The following ANKHD1 variants were observed in gnomAD, a reference collection of about 807,000 sequenced individuals.
The protein encoded by ANKHD1 is ankyrin repeat and KH domain containing 1.
In ANKHD1, 31 loss-of-function variants were observed where a neutral mutation model predicts 230.5. The observed-to-expected ratio is 0.13, with a 90% CI of 0.10 to 0.18. The LOEUF is 0.18. ANKHD1 is among the 10% of genes least tolerant of loss of function. The probability of loss-of-function intolerance (pLI) is 1.00; values close to 1 mark genes in which losing one functional copy is unlikely to be tolerated. For missense variants in ANKHD1, 2,256 were observed against 3,071.3 expected, an observed-to-expected ratio of 0.73 and a Z score of 6.27; for synonymous variants, 1,074 against 1,117.6, an observed-to-expected ratio of 0.96 and a Z score of 0.78.
At chr5:140,448,488 T>A (rs79795668) in intron 6 of ANKHD1, among the ~76,000 whole-genome samples, 4,042 of 152,232 alleles carry the variant, frequency 0.027, 195 homozygotes, top group African/African-American at 0.093. Context: ...TTCAACCAAT[T>A]TATACTCCCA....
intron 1 of ANKHD1, among the ~76,000 whole-genome samples, chr5:140,414,429 T>G (rs991587367): frequency 6.6e-6 from 1 of 152,218 alleles, no homozygotes; most frequent in African/African-American, 2.4e-5. Flanking sequence ...GGTTTTGATT[T>G]GTTATTTCCC....
Position 140,436,134 on chromosome 5 carries a change from C to G in ANKHD1, c.337C>G (p.Leu113Val). Residue 113 changes from leucine (L) to valine (V), a missense_variant, in exon 2 of 34, where the codon CTG becomes GTG. Around this residue, in one of 13 missense-constraint regions of ANKHD1, gnomAD observed 193 missense variants for 185.8 expected, o/e 1.04. Coordinates refer to ENST00000360839, the MANE Select transcript of ANKHD1 (RefSeq NM_017747.3). Reference protein sequence around the residue: ...VESFILDQEDLDNPVLKTTSE... With the variant: ...VESFILDQEDVDNPVLKTTSE... ...ATCATTTATTTTGGACCAAGAAGAT[C>G]TGGATAACCCAGTGCTTAAAACAAC... is the stretch of plus-strand genomic sequence containing the variant. 2 of 1,580,652 alleles carry G rather than the reference C, an allele frequency of 1.3e-6. No individual in the cohort carries two copies. Among genetic ancestry groups the G allele is most frequent in the South Asian group, 2.4e-5 (2 of 84,920 alleles).
At chr5:140,458,997 C>CATATATATATATATATATATAT (rs529452262) in intron 8 of ANKHD1, 135 bp downstream of exon 8, 1 of 31,634 alleles carries the variant, frequency 3.2e-5, no homozygotes, top group African/African-American at 1.1e-4. Context: ...TATATATATG[C>CATATATATATATATATATATAT]ATATATATAT....
At chr5:140,523,631 G>A (rs1049496513) in intron 24 of ANKHD1, among the ~76,000 whole-genome samples, 2 of 151,366 alleles carry the variant, frequency 1.3e-5, no homozygotes, top group Admixed American at 6.6e-5. Context: ...CATGATCTCG[G>A]CTCATTGCAA....
At position 140,459,267 on chromosome 5, in the gene ANKHD1, G is replaced by A; in HGVS notation, c.1584G>A (p.Gly528=). ...SEVADFLIKA[G]ADIELGCSTP... is the part of the protein sequence containing the mutation. ...TTGCAGACTTTCTTATTAAGGCAGGGGCTGATATAGAACTTGGCTGCTCCA... is the reference window on the plus strand; with the variant it reads ...TTGCAGACTTTCTTATTAAGGCAGGAGCTGATATAGAACTTGGCTGCTCCA... The change falls in exon 9 of 34, where the codon GGG becomes GGA. Residue 528 remains glycine (G), a synonymous_variant. Transcript: ENST00000360839. 6.2e-7 allele frequency: 1 copy of A among 1,603,624 alleles called. No individual in the cohort carries two copies. The highest frequency in any genetic ancestry group is 8.5e-7 in the Non-Finnish European group (1 of 1,172,726).
rs770093173 is a variant in ANKHD1, at chr5:140,443,486, C to T, written c.914-2256C>T. Among the ~76,000 whole-genome samples the T allele has an allele frequency of 5.3e-5, 8 of 151,534 alleles. No homozygotes were observed. In the East Asian group the frequency reaches 7.9e-4, roughly 15 times the overall value. Reference sequence around the variant, plus strand: ...TGGGAGGATCACGAGGTCAGGAGATCGAGACTATCCTGGCTAACACGGTGA... The same window carrying T: ...TGGGAGGATCACGAGGTCAGGAGATTGAGACTATCCTGGCTAACACGGTGA... On this transcript the variant is annotated intron_variant, in intron 5 of 33. Coordinates refer to ENST00000360839, the MANE Select transcript of ANKHD1 (RefSeq NM_017747.3).
chr5:140,458,521 T>C (rs1173700417), intron 7 of ANKHD1, 104 bp from the exon 8 acceptor site: 1 of 1,245,608 alleles, frequency 8.0e-7, no homozygotes, highest in Non-Finnish European at 1.1e-6. Flanking sequence ...TAATCTTGTC[T>C]TTTTTCTTCC....
intron 7 of ANKHD1, among the ~76,000 whole-genome samples, chr5:140,455,302 C>T (rs781139366): frequency 6.6e-6 from 1 of 152,142 alleles, no homozygotes; most frequent in African/African-American, 2.4e-5. Flanking sequence ...GGAGTTGGTA[C>T]CATCCCTTTT....
At chr5:140,499,863 TTTTC>T (rs1472349496) in intron 15 of ANKHD1, among the ~76,000 whole-genome samples, 1 of 150,806 alleles carries the variant, frequency 6.6e-6, no homozygotes, top group Non-Finnish European at 1.5e-5. Context: ...CTTAGTAAAA[TTTTC>T]TTTCTTTTTT....
At chr5:140,403,130 C>A (rs188854890) in intron 1 of ANKHD1, among the ~76,000 whole-genome samples, 2 of 151,512 alleles carry the variant, frequency 1.3e-5, no homozygotes, top group African/African-American at 4.9e-5. Flanking sequence ...CCACCACGCC[C>A]GACTAATTTT....
chr5:140,447,505 G>A (rs1425507314), intron 6 of ANKHD1, among the ~76,000 whole-genome samples: 1 of 152,100 alleles, frequency 6.6e-6, no homozygotes, highest in African/African-American at 2.4e-5. Flanking sequence ...ACCATGCCTG[G>A]CCTCAATAAA....
In ANKHD1 at chr5:140,517,726, T is replaced by C. The variant is rs1350516911; in HGVS notation, c.4317+4247T>C. Reference sequence around the variant, plus strand: ...AACGAAATGAAGGCAGAAATAAAGATGTTCTTTGAAACCAACGAGAACAAG... The same window carrying C: ...AACGAAATGAAGGCAGAAATAAAGACGTTCTTTGAAACCAACGAGAACAAG... On this transcript the variant is annotated intron_variant, in intron 24 of 33. Transcript: ENST00000360839. Among the ~76,000 whole-genome samples, 19 of 147,196 alleles carry C rather than the reference T, an allele frequency of 1.3e-4. No homozygotes were observed. In the East Asian group the frequency reaches 3.0e-3, roughly 23 times the overall value.
chr5:140,512,696 C>A, intron 22 of ANKHD1, 132 bp from the exon 23 acceptor site: 1 of 675,610 alleles, frequency 1.5e-6, no homozygotes, highest in African/African-American at 1.9e-5. Flanking sequence ...CCTTTTTATT[C>A]TTAAATTGGT....
Position 140,529,282 on chromosome 5 carries a change from G to A in ANKHD1, c.6336G>A (p.Met2112Ile), listed in dbSNP as rs1256294419. 8 of 1,614,118 alleles carry A rather than the reference G, an allele frequency of 5.0e-6. No individual in the cohort carries two copies. The highest frequency in any genetic ancestry group is 5.9e-6 in the Non-Finnish European group (7 of 1,180,018). Residue 2112 changes from methionine (M) to isoleucine (I), a missense_variant, in exon 29 of 34, where the codon ATG becomes ATA. Physicochemically the swap from Met to Ile is conservative, Grantham distance 10. Coordinates refer to ENST00000360839, the MANE Select transcript of ANKHD1 (RefSeq NM_017747.3). ...PAPLTLTSPR[M>I]VAADNQDTSN... ...CATTGACTTTGACATCACCCAGAAT[G>A]GTTGCTGCTGATAATCAGGACACCA...
chr5:140,473,433 A>T (rs1750778665), intron 10 of ANKHD1, among the ~76,000 whole-genome samples: 1 of 151,698 alleles, frequency 6.6e-6, no homozygotes, highest in Non-Finnish European at 1.5e-5. Flanking sequence ...TGAGATTTTT[A>T]AAAATTTTTT....
intron 29 of ANKHD1, among the ~76,000 whole-genome samples, chr5:140,530,363 C>T (rs996807606): frequency 6.6e-5 from 10 of 152,112 alleles, no homozygotes; most frequent in African/African-American, 2.4e-4. Flanking sequence ...AGGCATGCGC[C>T]ACCATGCCCG....
intron 15 of ANKHD1, 147 bp from the exon 16 acceptor site, chr5:140,504,674 T>A (rs1268306486): frequency 2.8e-6 from 3 of 1,073,474 alleles, no homozygotes; most frequent in Non-Finnish European, 3.8e-6. Context: ...AACTAATATT[T>A]AAATGTAGGT....
chr5:140,438,549 G>C lies in ANKHD1; in HGVS notation c.549G>C (p.Leu183=). ...RRLTSSVSCA[L]DEAAAALTRM... ...TGACATCCTCAGTTAGTTGTGCACT[G>C]GATGAAGCTGCTGCTGCACTGACAC... Residue 183 remains leucine, a synonymous_variant, in exon 3 of 34, where the codon CTG becomes CTC. Transcript: ENST00000360839. 6.2e-7 allele frequency: 1 copy of C among 1,613,366 alleles called. No individual in the cohort carries two copies. Among genetic ancestry groups the C allele is most frequent in the Non-Finnish European group, 8.5e-7 (1 of 1,179,594 alleles).
At chr5:140,451,761 A>G (rs775890441) in intron 7 of ANKHD1, among the ~76,000 whole-genome samples, 4 of 152,144 alleles carry the variant, frequency 2.6e-5, no homozygotes, top group African/African-American at 4.8e-5. Flanking sequence ...GTCTGCCTCA[A>G]CTTCCCAAAG....
Sources: gnomAD v4.1 joint callset for allele counts (sites outside exome capture counted in the v4.1 genomes callset) on GRCh38, gnomAD v4.1.1 for gene constraint, gnomAD v4.1.1 regional missense constraint, MANE v1.5 for transcripts, NCBI Gene and HGNC (gene_info 2026-07-23, HGNC 2026-07-21) for gene names.